Variants in PDE4B observed in about 807,000 individuals in gnomAD.
PDE4B encodes the protein 3',5'-cyclic-AMP phosphodiesterase 4B.
PDE4B carries 20 observed loss-of-function variants against 82.2 expected under a neutral mutation model. The ratio of observed to expected loss-of-function variants is 0.24; its 90% confidence interval spans 0.17 to 0.35. The LOEUF (loss-of-function observed/expected upper bound fraction) is 0.35, where lower values mean the gene tolerates loss of function less well. PDE4B is among the 10% of genes least tolerant of loss of function. The pLI is 1.00. For missense variants in PDE4B, 655 were observed against 907.2 expected (o/e 0.72, Z 3.57); for synonymous variants, 320 against 318.9 (o/e 1.00, Z -0.04).
At chr1:66,115,052 A>G (rs1297218805) in intron 3 of PDE4B, among the ~76,000 whole-genome samples, 2 of 152,214 alleles carry the variant, frequency 1.3e-5, no homozygotes, top group East Asian at 3.8e-4. Context: ...TTTATCTTTT[A>G]AGTAATAATG....
chr1:66,243,680 A>G (rs1281814493), intron 3 of PDE4B, among the ~76,000 whole-genome samples: 1 of 152,148 alleles, frequency 6.6e-6, no homozygotes, highest in East Asian at 1.9e-4. Context: ...GGGAAGCACC[A>G]CTTCTCATAC....
chr1:65,913,484 C>A (rs924263607), intron 2 of PDE4B, 128 bp downstream of exon 2: 5 of 812,944 alleles, frequency 6.2e-6, no homozygotes, highest in East Asian at 2.6e-5. Context: ...ATGACATGGG[C>A]ACAGCCAGCA....
At chr1:66,071,146 C>A (rs571663799) in intron 3 of PDE4B, among the ~76,000 whole-genome samples, 1 of 152,164 alleles carries the variant, frequency 6.6e-6, no homozygotes, top group South Asian at 2.1e-4. Context: ...AAGAGAGGGT[C>A]ATTCCAAGCA....
chr1:66,158,959 A>AT (rs918892759), intron 3 of PDE4B, among the ~76,000 whole-genome samples: 136 of 152,322 alleles, frequency 8.9e-4, no homozygotes, highest in African/African-American at 3.1e-3. Context: ...GTAAAGGAAG[A>AT]TGGAGAGAAG....
At chr1:65,831,631 A>G (rs965439327) in intron 1 of PDE4B, among the ~76,000 whole-genome samples, 3 of 152,142 alleles carry the variant, frequency 2.0e-5, no homozygotes, top group Non-Finnish European at 4.4e-5. Context: ...AATCTCTTCC[A>G]GAAAATAGAA....
At chr1:65,820,156 T>C (rs896600530) in intron 1 of PDE4B, among the ~76,000 whole-genome samples, 3 of 152,194 alleles carry the variant, frequency 2.0e-5, no homozygotes, top group African/African-American at 7.2e-5. Context: ...GGAGGTGTGG[T>C]TGAGATCCCA....
intron 1 of PDE4B, among the ~76,000 whole-genome samples, chr1:65,822,954 G>A (rs567102503): frequency 3.3e-5 from 5 of 152,210 alleles, no homozygotes; most frequent in African/African-American, 9.6e-5. Flanking sequence ...TATACTAGAC[G>A]TTGTAAAGTG....
At chr1:65,839,816 T>A (rs1280535424) in intron 1 of PDE4B, among the ~76,000 whole-genome samples, 1 of 152,162 alleles carries the variant, frequency 6.6e-6, no homozygotes, top group Non-Finnish European at 1.5e-5. Flanking sequence ...CAAATGGTAT[T>A]TCTGGTTCTA....
intron 3 of PDE4B, among the ~76,000 whole-genome samples, chr1:65,934,283 TA>T (rs1361122626): frequency 6.6e-6 from 1 of 152,074 alleles, no homozygotes; most frequent in African/African-American, 2.4e-5. Flanking sequence ...ACCCTATCTG[TA>T]AAACAATATA....
intron 3 of PDE4B, among the ~76,000 whole-genome samples, chr1:66,063,708 A>G (rs1247775618): frequency 6.6e-6 from 1 of 151,954 alleles, no homozygotes; most frequent in African/African-American, 2.4e-5. Context: ...TAATCAGAAT[A>G]GAGCAATTTT....
intron 2 of PDE4B, among the ~76,000 whole-genome samples, chr1:65,918,014 A>G (rs1647182237): frequency 6.6e-6 from 1 of 152,130 alleles, no homozygotes; most frequent in African/African-American, 2.4e-5. Flanking sequence ...AAATACAAAA[A>G]TTAGCCGGGC....
chr1:65,821,303 C>A (rs1645949847), intron 1 of PDE4B, among the ~76,000 whole-genome samples: 1 of 152,238 alleles, frequency 6.6e-6, no homozygotes, highest in South Asian at 2.1e-4. Context: ...CCTTCCAATG[C>A]TGTTAAGTAC....
chr1:66,125,166 T>C (rs1172079082), intron 3 of PDE4B, among the ~76,000 whole-genome samples: 3 of 78 alleles, frequency 0.038, no homozygotes, highest in Non-Finnish European at 0.21. Flanking sequence ...ATACTATTCC[T>C]TTTTTTTTTT....
At chr1:65,976,018 G>T (rs893617414) in intron 3 of PDE4B, among the ~76,000 whole-genome samples, 7 of 152,200 alleles carry the variant, frequency 4.6e-5, no homozygotes, top group Non-Finnish European at 1.0e-4. Context: ...GCTGTGAGAA[G>T]AGGACCACTG....
At chr1:66,079,166 T>TTCTCTCTCTC (rs148765561) in intron 3 of PDE4B, among the ~76,000 whole-genome samples, 1,565 of 142,234 alleles carry the variant, frequency 0.011, 33 homozygotes, top group African/African-American at 0.035. Flanking sequence ...CCTGCTTCTT[T>TTCTCTCTCTC]TCTCTCTCTC....
intron 3 of PDE4B, among the ~76,000 whole-genome samples, chr1:66,134,073 C>G (rs1646006624): frequency 2.0e-5 from 3 of 151,646 alleles, no homozygotes; most frequent in African/African-American, 7.3e-5. Flanking sequence ...CTAAGGCTGC[C>G]CTTAAAGAGT....
intron 3 of PDE4B, among the ~76,000 whole-genome samples, chr1:65,967,736 G>A (rs12059788): frequency 0.062 from 9,465 of 152,156 alleles, 348 homozygotes; most frequent in Middle Eastern, 0.18. Flanking sequence ...GGATGAAGCT[G>A]GAAACCATCA....
intron 3 of PDE4B, among the ~76,000 whole-genome samples, chr1:66,201,258 C>T (rs372684367): frequency 1.3e-5 from 2 of 151,784 alleles, no homozygotes; most frequent in South Asian, 2.1e-4. Context: ...CAGTATTTTA[C>T]TGAGGATTTT....
At chr1:66,187,899 C>T (rs1379712006) in intron 3 of PDE4B, among the ~76,000 whole-genome samples, 2 of 151,454 alleles carry the variant, frequency 1.3e-5, no homozygotes, top group East Asian at 3.9e-4. Flanking sequence ...TTTGCTCTTG[C>T]TTTTCTAGTT....
Sources: gnomAD v4.1 joint callset for allele counts (sites outside exome capture counted in the v4.1 genomes callset) on GRCh38, gnomAD v4.1.1 for gene constraint, MANE v1.5 for transcripts, NCBI Gene and HGNC (gene_info 2026-07-23, HGNC 2026-07-21) for gene names.